ZNF98: variants seen among roughly 807,000 people sequenced by gnomAD.
The protein encoded by ZNF98 is zinc finger protein 98, also known as zinc finger protein 739.
In ZNF98, 8 loss-of-function variants were observed where a neutral mutation model predicts 12.8. The observed-to-expected ratio is 0.63, with a 90% CI of 0.37 to 1.13. The LOEUF (loss-of-function observed/expected upper bound fraction) is 1.13, where lower values mean the gene tolerates loss of function less well. Ranked by LOEUF, ZNF98 falls within the 50% of genes most tolerant of loss-of-function variation. ZNF98 has a pLI of 0.01. For synonymous variants in ZNF98, 112 were observed against 223.5 expected, an observed-to-expected ratio of 0.50 and a Z score of 4.45; for missense variants, 379 against 666.1, an observed-to-expected ratio of 0.57 and a Z score of 4.74.
chr19:22,412,156 T>C (rs866953137), intron 1 of ZNF98, among the ~76,000 whole-genome samples: 3 of 152,162 alleles, frequency 2.0e-5, no homozygotes, highest in Non-Finnish European at 4.4e-5. Flanking sequence ...TACTCTAAAA[T>C]TGACCACACA....
intron 1 of ZNF98, among the ~76,000 whole-genome samples, chr19:22,415,584 G>A (rs1234113738): frequency 1.4e-5 from 2 of 142,220 alleles, no homozygotes; most frequent in Non-Finnish European, 3.0e-5. Context: ...GCCACCCAGC[G>A]GAACATGGCA....
intron 1 of ZNF98, among the ~76,000 whole-genome samples, chr19:22,407,641 G>A (rs1406892322): frequency 6.6e-6 from 1 of 151,808 alleles, no homozygotes; most frequent in African/African-American, 2.4e-5. Context: ...GAACCCGGGA[G>A]GCGGAGGTTG....
intron 1 of ZNF98, among the ~76,000 whole-genome samples, chr19:22,421,968 C>T (rs538512468): frequency 1.3e-5 from 2 of 152,286 alleles, no homozygotes; most frequent in South Asian, 4.1e-4. Flanking sequence ...GGCTCCAGCT[C>T]AGGGCACAGT....
rs576209599 is a variant in ZNF98, at chr19:22,405,675, G to A, written c.31-2163C>T. Among the ~76,000 whole-genome samples, 303 of 152,316 alleles carry A rather than the reference G, an allele frequency of 2.0e-3. 1 individual carries two copies. The highest frequency in any genetic ancestry group is 3.6e-3 in the Non-Finnish European group (245 of 68,034). On this transcript the variant is annotated intron_variant, in intron 1 of 3. Coordinates refer to ENST00000357774, the MANE Select transcript of ZNF98 (RefSeq NM_001098626.2). ...TGTGCAGATTCTCAACAACCTCTCA[G>A]CTAAAATCTGTTTAAGCCTGCTGAG...
At chr19:22,411,317 G>T (rs1412267594) in intron 1 of ZNF98, among the ~76,000 whole-genome samples, 1 of 152,190 alleles carries the variant, frequency 6.6e-6, no homozygotes, top group East Asian at 1.9e-4. Context: ...GATTATAGGT[G>T]TGAGCCACCG....
intron 1 of ZNF98, among the ~76,000 whole-genome samples, chr19:22,416,806 A>C (rs1190069718): frequency 2.0e-5 from 3 of 151,568 alleles, no homozygotes; most frequent in Non-Finnish European, 4.4e-5. Context: ...TGGCCGTTAA[A>C]ACATGCACAC....
At chr19:22,414,340 C>T (rs570847257) in intron 1 of ZNF98, among the ~76,000 whole-genome samples, 1 of 150,916 alleles carries the variant, frequency 6.6e-6, no homozygotes, top group African/African-American at 2.4e-5. Context: ...TATCAAACTA[C>T]CAAAAACATT....
chr19:22,393,628 C>T (rs969997423), intron 3 of ZNF98, among the ~76,000 whole-genome samples: 5 of 151,834 alleles, frequency 3.3e-5, no homozygotes, highest in Non-Finnish European at 5.9e-5. Context: ...AACTGGCTAG[C>T]CATATGTAGA....
At chr19:22,394,776 A>C (rs1269523944) in intron 3 of ZNF98, among the ~76,000 whole-genome samples, 2 of 152,172 alleles carry the variant, frequency 1.3e-5, no homozygotes, top group East Asian at 3.8e-4. Context: ...CATGTACCCT[A>C]GGACTTAAAG....
chr19:22,413,701 T>C (rs945420660), intron 1 of ZNF98, among the ~76,000 whole-genome samples: 19 of 151,112 alleles, frequency 1.3e-4, no homozygotes, highest in African/African-American at 4.6e-4. Context: ...AGAAACCCCG[T>C]CTCTACTAAA....
At position 22,392,900 on chromosome 19, in the gene ZNF98, T is replaced by C. The variant is rs571060756; in HGVS notation, c.335A>G (p.Tyr112Cys). 8.1e-6 allele frequency: 13 copies of C among 1,607,356 alleles called. No individual in the cohort carries two copies. The African/African-American group carries it at 1.3e-4, about 17-fold the overall frequency. The change falls in exon 4 of 4, where the codon TAT becomes TGT. Residue 112 changes from tyrosine to cysteine, a missense_variant. Around this residue, in one of 8 missense-constraint regions of ZNF98, gnomAD observed 223 missense variants for 261.6 expected, o/e 0.85. Coordinates refer to ENST00000357774, the MANE Select transcript of ZNF98 (RefSeq NM_001098626.2). ...NYFQKVILRT[Y>C]KKCGRENLQL... ...TAAATTTTCACGTCCACATTTTTTA[T>C]ATGTTCTCAGTATCACTTTTTGGAA... is the stretch of plus-strand genomic sequence containing the variant.
intron 1 of ZNF98, among the ~76,000 whole-genome samples, chr19:22,414,083 A>T (rs1969611426): frequency 6.6e-6 from 1 of 151,510 alleles, no homozygotes; most frequent in South Asian, 2.1e-4. Context: ...AAAAATACAA[A>T]AATTAGCCGG....
intron 3 of ZNF98, among the ~76,000 whole-genome samples, chr19:22,397,061 G>A (rs1364156649): frequency 6.6e-6 from 1 of 151,502 alleles, no homozygotes; most frequent in Non-Finnish European, 1.5e-5. Context: ...AGAGGTTGCA[G>A]TGAGCCGAGA....
intron 1 of ZNF98, among the ~76,000 whole-genome samples, chr19:22,416,195 G>T (rs1969640728): frequency 6.6e-6 from 1 of 151,574 alleles, no homozygotes; most frequent in African/African-American, 2.4e-5. Flanking sequence ...TATGGGCCAG[G>T]CGTGGTGGCT....
chr19:22,404,942 A>T (rs1969503106), intron 1 of ZNF98, among the ~76,000 whole-genome samples: 1 of 152,156 alleles, frequency 6.6e-6, no homozygotes, highest in Non-Finnish European at 1.5e-5. Flanking sequence ...TACGGACTCC[A>T]GCTTTTCCCC....
At chr19:22,415,956 G>GACACACACACACACAC (rs71180550) in intron 1 of ZNF98, among the ~76,000 whole-genome samples, 226 of 111,338 alleles carry the variant, frequency 2.0e-3, no homozygotes, top group East Asian at 3.5e-3. Flanking sequence ...AAAAACTACA[G>GACACACACACACACAC]ACACACACAC....
chr19:22,399,830 T>C (rs1969436964), intron 3 of ZNF98, among the ~76,000 whole-genome samples: 1 of 152,168 alleles, frequency 6.6e-6, no homozygotes, highest in Admixed American at 6.5e-5. Flanking sequence ...AAAATGCCTT[T>C]ATGAGAGAAA....
intron 3 of ZNF98, among the ~76,000 whole-genome samples, chr19:22,395,508 A>G (rs746981259): frequency 2.6e-5 from 4 of 152,126 alleles, no homozygotes; most frequent in Non-Finnish European, 5.9e-5. Context: ...ATAATATCCA[A>G]TGAGTGAAAC....
intron 3 of ZNF98, among the ~76,000 whole-genome samples, chr19:22,395,019 A>C (rs1969373997): frequency 6.6e-6 from 1 of 151,974 alleles, no homozygotes. Context: ...CTAAAAATAC[A>C]AAAGTAGCTG....
Sources: allele counts gnomAD v4.1 joint callset (sites outside exome capture counted in the v4.1 genomes callset), GRCh38; gene constraint gnomAD v4.1.1; regional missense constraint gnomAD v4.1.1; transcripts MANE v1.5; gene names NCBI Gene and HGNC (gene_info 2026-07-23, HGNC 2026-07-21).